CNTNAP2: variants seen among roughly 807,000 people sequenced by gnomAD.
CNTNAP2 encodes the protein contactin associated protein 2.
Under a neutral mutation model 155.2 loss-of-function variants are expected in CNTNAP2, and 98 were observed. The observed-to-expected ratio is 0.63, with a 90% CI of 0.54 to 0.75. The LOEUF (loss-of-function observed/expected upper bound fraction) is 0.75. Among genes scored for constraint, CNTNAP2 ranks in the 30% least tolerant of loss-of-function variants. The pLI is 0.00. For missense variants in CNTNAP2, 1,727 were observed against 1,688.1 expected, an observed-to-expected ratio of 1.02 and a Z score of -0.40; for synonymous variants, 651 against 631.2, an observed-to-expected ratio of 1.03 and a Z score of -0.47.
intron 1 of CNTNAP2, among the ~76,000 whole-genome samples, chr7:146,655,025 C>T (rs1351288781): frequency 2.0e-5 from 3 of 152,050 alleles, no homozygotes; most frequent in Non-Finnish European, 4.4e-5. Context: ...CTCAACATAG[C>T]ATGTTAACTT....
chr7:148,164,817 AT>A (rs138556697), intron 17 of CNTNAP2, among the ~76,000 whole-genome samples: 44,737 of 145,042 alleles, frequency 0.31, 7,307 homozygotes, highest in African/African-American at 0.42. Context: ...TTTATTTTTT[AT>A]TTTTTTTTTA....
intron 1 of CNTNAP2, among the ~76,000 whole-genome samples, chr7:146,669,952 G>C (rs1004447611): frequency 6.6e-6 from 1 of 152,082 alleles, no homozygotes; most frequent in Non-Finnish European, 1.5e-5. Context: ...ACTCTCTGGA[G>C]AGCAATCAAA....
chr7:146,723,725 A>G (rs921624812), intron 1 of CNTNAP2, among the ~76,000 whole-genome samples: 2 of 152,186 alleles, frequency 1.3e-5, no homozygotes, highest in African/African-American at 4.8e-5. Context: ...CAGGAACTGT[A>G]GCAAAAACAA....
At chr7:146,401,032 A>T (rs936013859) in intron 1 of CNTNAP2, among the ~76,000 whole-genome samples, 14 of 152,184 alleles carry the variant, frequency 9.2e-5, no homozygotes, top group Admixed American at 2.6e-4. Context: ...GCAAACCAGA[A>T]AGTCTTCCAG....
chr7:147,888,250 T>A (rs2116727029), intron 13 of CNTNAP2, among the ~76,000 whole-genome samples: 1 of 152,214 alleles, frequency 6.6e-6, no homozygotes, highest in African/African-American at 2.4e-5. Context: ...TTAAAAATAA[T>A]GGGTAACATT....
At chr7:146,989,886 C>T (rs893812206) in intron 3 of CNTNAP2, among the ~76,000 whole-genome samples, 3 of 151,336 alleles carry the variant, frequency 2.0e-5, no homozygotes, top group Non-Finnish European at 4.4e-5. Context: ...CCCCAATCTT[C>T]CAAGCACATG....
chr7:146,433,243 G>T (rs1796196367), intron 1 of CNTNAP2, among the ~76,000 whole-genome samples: 1 of 152,106 alleles, frequency 6.6e-6, no homozygotes, highest in Non-Finnish European at 1.5e-5. Context: ...CACACAGAAA[G>T]AAATCAAATT....
intron 1 of CNTNAP2, among the ~76,000 whole-genome samples, chr7:146,712,252 A>ATATGTATACATATCTTATGTATACAT (rs1801100722): frequency 1.2e-4 from 6 of 51,040 alleles, no homozygotes; most frequent in African/African-American, 4.5e-4. Flanking sequence ...TATGTATACA[A>ATATGTATACATATCTTATGTATACAT]ATATGTATAC....
At chr7:147,417,538 A>G (rs1797215771) in intron 10 of CNTNAP2, among the ~76,000 whole-genome samples, 2 of 152,228 alleles carry the variant, frequency 1.3e-5, no homozygotes, top group South Asian at 2.1e-4. Context: ...TGGCGGGGAC[A>G]TAAACATTCA....
chr7:148,322,072 C>T (rs1228658576), intron 21 of CNTNAP2, among the ~76,000 whole-genome samples: 2 of 151,760 alleles, frequency 1.3e-5, no homozygotes, highest in Non-Finnish European at 2.9e-5. Flanking sequence ...AGGCGCACAC[C>T]ACTGCGTCTG....
intron 13 of CNTNAP2, among the ~76,000 whole-genome samples, chr7:147,715,981 G>A (rs925258375): frequency 3.3e-5 from 5 of 152,092 alleles, no homozygotes; most frequent in Non-Finnish European, 2.9e-5. Context: ...CCATCAGATT[G>A]CTTTTGCTCT....
intron 15 of CNTNAP2, among the ~76,000 whole-genome samples, chr7:148,069,831 AACT>A (rs1017554259): frequency 6.6e-6 from 1 of 152,134 alleles, no homozygotes; most frequent in Non-Finnish European, 1.5e-5. Flanking sequence ...AACTCTCTAA[AACT>A]AAGACTCAGA....
At chr7:146,524,458 T>G (rs925474706) in intron 1 of CNTNAP2, among the ~76,000 whole-genome samples, 1 of 152,136 alleles carries the variant, frequency 6.6e-6, no homozygotes, top group Admixed American at 6.6e-5. Context: ...CATTACTCAC[T>G]GCCATTTTCT....
At chr7:147,413,385 G>A (rs1797135869) in intron 10 of CNTNAP2, among the ~76,000 whole-genome samples, 2 of 152,104 alleles carry the variant, frequency 1.3e-5, no homozygotes, top group East Asian at 3.9e-4. Context: ...AAGAAGTCCT[G>A]GAAAGGAAAA....
intron 9 of CNTNAP2, among the ~76,000 whole-genome samples, chr7:147,393,040 C>T (rs897538482): frequency 7.9e-5 from 12 of 151,946 alleles, no homozygotes; most frequent in African/African-American, 1.4e-4. Context: ...TGACTTGCCA[C>T]GAAGTAAGTG....
chr7:146,235,681 G>A (rs1025117678), intron 1 of CNTNAP2, among the ~76,000 whole-genome samples: 8 of 152,140 alleles, frequency 5.3e-5, no homozygotes, highest in South Asian at 2.1e-4. Context: ...GTTTTCAGGT[G>A]CACAGGCCGT....
intron 13 of CNTNAP2, among the ~76,000 whole-genome samples, chr7:147,749,123 G>A (rs143074382): frequency 0.011 from 1,661 of 152,232 alleles, 95 homozygotes; most frequent in Admixed American, 0.087. Context: ...AAAGTCAAAA[G>A]AATAAAATAA....
In CNTNAP2 at chr7:146,555,494, CTGTCTA is replaced by C. The variant is rs1798184621; in HGVS notation, c.98-218775_98-218770del. The stretch of plus-strand genomic sequence containing the variant: ...ATGTAATCTACTCTGTATCATCTGT[CTGTCTA>C]TCTATCTATCTATCTATCTATCTAT... On this transcript the variant is annotated intron_variant, in intron 1 of 23. Transcript: ENST00000361727. Among the ~76,000 whole-genome samples the C allele has an allele frequency of 3.7e-5, 3 of 81,806 alleles. No individual in the cohort carries two copies. The South Asian group carries it at 1.6e-3, about 44-fold the overall frequency. The allele number at this position is 81,806 out of a possible 152,430, so 53.7% of individuals were successfully genotyped here.
At chr7:147,001,850 A>G (rs1584776372) in intron 3 of CNTNAP2, among the ~76,000 whole-genome samples, 2 of 152,136 alleles carry the variant, frequency 1.3e-5, no homozygotes, top group South Asian at 4.1e-4. Context: ...TAGAAATTGT[A>G]CAGGGGAAGG....
Sources: gnomAD v4.1 joint callset for allele counts (sites outside exome capture counted in the v4.1 genomes callset) on GRCh38, gnomAD v4.1.1 for gene constraint, MANE v1.5 for transcripts, NCBI Gene and HGNC (gene_info 2026-07-23, HGNC 2026-07-21) for gene names.